The following TADA3 variants were observed in gnomAD, a reference collection of about 807,000 sequenced individuals.
TADA3 encodes transcriptional adaptor 3.
A neutral mutation model predicts 43.2 loss-of-function variants in TADA3; 25 were observed. The observed-to-expected ratio is 0.58, with a 90% CI of 0.42 to 0.81. The LOEUF is 0.81. Among genes scored for constraint, TADA3 ranks in the 30% least tolerant of loss-of-function variants. The pLI is 0.00. For missense variants in TADA3, 441 were observed against 567.8 expected, an observed-to-expected ratio of 0.78 and a Z score of 2.27; for synonymous variants, 235 against 225.5, an observed-to-expected ratio of 1.04 and a Z score of -0.38.
chr3:9,789,723 C>T lies in TADA3; in HGVS notation c.448G>A (p.Ala150Thr), dbSNP rs770147405. The T allele has an allele frequency of 1.9e-6, 3 of 1,612,900 alleles. No homozygotes were observed. The highest frequency in any genetic ancestry group is 2.5e-6 in the Non-Finnish European group (3 of 1,179,036). ...IDVPRIPKNDAPNRFWASVEP... is the reference protein window; with the variant it reads ...IDVPRIPKNDTPNRFWASVEP... ...TCTCTAGCCCAGAACCTGTTGGGGG[C>T]ATCATTTTTGGGGATCCGTGGCACG... Residue 150 changes from alanine (A) to threonine (T), a missense_variant, in exon 3 of 9, where the codon GCC (alanine) becomes ACC (threonine). By Grantham distance (58) the Ala-to-Thr change is moderately conservative (BLOSUM62 0). Coordinates refer to ENST00000301964, the MANE Select transcript of TADA3 (RefSeq NM_006354.5).
chr3:9,782,708 C>A, intron 8 of TADA3, among the ~76,000 whole-genome samples: 1 of 150,890 alleles, frequency 6.6e-6, no homozygotes, highest in East Asian at 2.0e-4. Context: ...GGAGAACTGC[C>A]TGAACCCGGG....
At chr3:9,792,561 G>A (rs2078765014), upstream of TADA3, 2 of 1,228,646 alleles carry the variant, frequency 1.6e-6, no homozygotes, top group Non-Finnish European at 2.0e-6. Context: ...TGGGAAGAAG[G>A]TGGGCCTCGA....
At position 9,780,227 on chromosome 3, in the gene TADA3, C is replaced by A. The variant is rs1226101705; in HGVS notation, c.*130G>T. 4 of 979,704 alleles carry A rather than the reference C, an allele frequency of 4.1e-6. No homozygotes were observed. The highest frequency in any genetic ancestry group is 5.9e-6 in the Non-Finnish European group (4 of 673,642). 60.7% of individuals were successfully genotyped at this position (979,704 alleles called of 1,614,324 possible). ...AGGCCAAAAGACCTCAGGGGAAGGGCCACGGCCCTCTAGAGACTGCCGCCA... is the reference window on the plus strand; with the variant it reads ...AGGCCAAAAGACCTCAGGGGAAGGGACACGGCCCTCTAGAGACTGCCGCCA... On this transcript the variant is annotated 3_prime_UTR_variant, in exon 9 of 9. Transcript: ENST00000301964.
chr3:9,782,896 G>T (rs554324189), intron 8 of TADA3, among the ~76,000 whole-genome samples: 1 of 152,230 alleles, frequency 6.6e-6, no homozygotes, highest in African/African-American at 2.4e-5. Flanking sequence ...GACTTGTTCG[G>T]GTTGCTTCCC....
At chr3:9,792,074 T>C (rs1260417815) in intron 1 of TADA3, 142 bp downstream of exon 1, 4 of 152,436 alleles carry the variant, frequency 2.6e-5, no homozygotes. Context: ...TTTACCATTC[T>C]CTACTTATAT....
rs371427405 is a variant in TADA3 at position 9,787,346 on chromosome 3, G to T, written c.565-6C>A. 42 of 1,604,280 alleles carry T rather than the reference G, an allele frequency of 2.6e-5. No homozygotes were observed. In the African/African-American group the frequency reaches 5.1e-4, roughly 19 times the overall value. On this transcript the variant is annotated splice_region_variant and splice_polypyrimidine_tract_variant and intron_variant, in intron 4 of 8. Coordinates refer to ENST00000301964, the MANE Select transcript of TADA3 (RefSeq NM_006354.5). ...TGCTTCCCCAGGGGTGGGATCTGTG[G>T]AAAAGATGGCACCCAACCCTGAGTG... is the stretch of plus-strand genomic sequence containing the variant.
intron 4 of TADA3, among the ~76,000 whole-genome samples, chr3:9,788,594 C>T (rs1235129443): frequency 6.6e-6 from 1 of 151,470 alleles, no homozygotes; most frequent in African/African-American, 2.4e-5. Context: ...GGCTGGAATA[C>T]AGTGGCACGA....
rs370207885 is a variant in TADA3 at position 9,780,320 on chromosome 3, C to T, written c.*37G>A. The T allele has an allele frequency of 4.2e-5, 66 of 1,586,806 alleles. No individual in the cohort carries two copies. The African/African-American group carries it at 6.5e-4, about 16-fold the overall frequency. On this transcript the variant is annotated 3_prime_UTR_variant, in exon 9 of 9. Coordinates refer to ENST00000301964, the MANE Select transcript of TADA3 (RefSeq NM_006354.5). ...AGGAAGTGGGCCTCCCTTCCCCTCC[C>T]CTAGGCCAGATAATCAGCCTGAGGC...
intron 6 of TADA3, among the ~76,000 whole-genome samples, chr3:9,786,596 G>C (rs1201651067): frequency 6.6e-6 from 1 of 152,176 alleles, no homozygotes; most frequent in Non-Finnish European, 1.5e-5. Flanking sequence ...CTGTAACACA[G>C]CGTTAACCAC....
chr3:9,790,355 C>T (rs1427309966), intron 2 of TADA3, among the ~76,000 whole-genome samples: 2 of 152,228 alleles, frequency 1.3e-5, no homozygotes, highest in Non-Finnish European at 2.9e-5. Context: ...CATAGCCTTC[C>T]TCAAGGAGGG....
At position 9,791,407 on chromosome 3, in the gene TADA3, C is replaced by T. The variant is rs770778435; in HGVS notation, c.60G>A (p.Leu20=). 4.3e-6 allele frequency: 7 copies of T among 1,614,168 alleles called. No homozygotes were observed. In the Admixed American group the frequency reaches 1.0e-4, roughly 23 times the overall value. ...CTGCCGTGTAGCGGGGACAGACCTT[C>T]AGGTGATCCACAGACTTGAAGTCGT... ...QFHDFKSVDH[L]KVCPRYTAVL... is the part of the protein sequence containing the mutation. The change falls in exon 2 of 9, where the codon CTG becomes CTA. Residue 20 remains leucine (L), a synonymous_variant. Coordinates refer to ENST00000301964, the MANE Select transcript of TADA3 (RefSeq NM_006354.5).
rs2078432427 is a variant in TADA3 at position 9,780,457 on chromosome 3, G to A, written c.1199C>T (p.Ala400Val). 7 of 1,612,376 alleles carry A rather than the reference G, an allele frequency of 4.3e-6. No homozygotes were observed. The highest frequency in any genetic ancestry group is 5.9e-6 in the Non-Finnish European group (7 of 1,179,988). ...EVMDAFRKIM[A>V]ARQKKRTPTK... ...GGGAGTCCGCTTCTTCTGCCGGGCAGCCATGATCTTGCGAAAGGCGTCCAT... is the reference window on the plus strand; with the variant it reads ...GGGAGTCCGCTTCTTCTGCCGGGCAACCATGATCTTGCGAAAGGCGTCCAT... Residue 400 changes from alanine to valine, a missense_variant, in exon 9 of 9, where the codon GCT becomes GTT. Ala to Val is a moderately conservative substitution (Grantham distance 64, BLOSUM62 0). Transcript: ENST00000301964.
upstream of TADA3, chr3:9,792,909 C>G (rs1264598427): frequency 1.9e-5 from 27 of 1,398,812 alleles, no homozygotes; most frequent in South Asian, 4.7e-5. Flanking sequence ...AATAGTGACT[C>G]GAGTGCAAGA....
chr3:9,792,658 C>G, upstream of TADA3: 1 of 1,232,310 alleles, frequency 8.1e-7, no homozygotes, highest in Non-Finnish European at 1.0e-6. Flanking sequence ...GCTTGGCGGC[C>G]GAGATCTCCG....
At chr3:9,787,592 C>T (rs1435729671) in intron 4 of TADA3, 3 of 1,066,538 alleles carry the variant, frequency 2.8e-6, no homozygotes, top group African/African-American at 1.6e-5. Context: ...ATAGAAGGTG[C>T]AGAATACGTA....
At position 9,789,503 on chromosome 3, in the gene TADA3, T is replaced by G; in HGVS notation, c.564+6A>C. ...CATCATGTCTATCAAGGCCCAGAGT[T>G]TCTACCTTGTAATGCTCAGCCTCAT... On this transcript the variant is annotated splice_donor_region_variant and intron_variant, in intron 4 of 8. Transcript: ENST00000301964. 6.2e-7 allele frequency: 1 copy of G among 1,613,076 alleles called. No homozygotes were observed. Among genetic ancestry groups the G allele is most frequent in the Non-Finnish European group, 8.5e-7 (1 of 1,179,326 alleles).
At chr3:9,787,408 CACTT>C (rs2078641158) in intron 4 of TADA3, 68 bp from the exon 5 acceptor site, 1 of 1,533,488 alleles carries the variant, frequency 6.5e-7, no homozygotes, top group African/African-American at 1.4e-5. Flanking sequence ...TTCATTCATT[CACTT>C]ACCTATCTTA....
At chr3:9,791,150 C>A (rs1343092391) in intron 2 of TADA3, 110 bp downstream of exon 2, 3 of 1,099,254 alleles carry the variant, frequency 2.7e-6, no homozygotes, top group South Asian at 3.2e-5. Flanking sequence ...CTCTCCCTCT[C>A]CCCACAAACC....
At chr3:9,787,595 A>C in intron 4 of TADA3, 3 of 1,088,124 alleles carry the variant, frequency 2.8e-6, no homozygotes, top group Non-Finnish European at 3.8e-6. Flanking sequence ...GAAGGTGCAG[A>C]ATACGTACAC....
Sources: allele counts gnomAD v4.1 joint callset (sites outside exome capture counted in the v4.1 genomes callset), GRCh38; gene constraint gnomAD v4.1.1; transcripts MANE v1.5; gene names NCBI Gene and HGNC (gene_info 2026-07-23, HGNC 2026-07-21).